VPS54: variants seen among roughly 807,000 people sequenced by gnomAD.
The protein encoded by VPS54 is VPS54 subunit of GARP complex.
In VPS54, 45 loss-of-function variants were observed where a neutral mutation model predicts 121.5. The ratio of observed to expected loss-of-function variants is 0.37; its 90% CI spans 0.29 to 0.47. VPS54 has a LOEUF of 0.47. VPS54 is among the 20% of genes least tolerant of loss of function. The probability of loss-of-function intolerance (pLI) is 0.99; values close to 1 mark genes in which losing one functional copy is unlikely to be tolerated. For missense variants in VPS54, 1,090 were observed against 1,131.4 expected (o/e 0.96, Z 0.52); for synonymous variants, 371 against 385.8 (o/e 0.96, Z 0.45).
intron 1 of VPS54, among the ~76,000 whole-genome samples, chr2:64,015,130 A>G (rs183300121): frequency 2.0e-5 from 3 of 152,312 alleles, no homozygotes; most frequent in African/African-American, 7.2e-5. Flanking sequence ...AGGAAAAAAA[A>G]AAATCACTTC....
chr2:63,962,543 T>C, intron 6 of VPS54, 100 bp from the exon 7 acceptor site: 3 of 1,353,564 alleles, frequency 2.2e-6, no homozygotes, highest in Non-Finnish European at 3.0e-6. Flanking sequence ...ACATATACTT[T>C]AAATTCCATT....
At chr2:63,933,116 A>G (rs543920811) in intron 12 of VPS54, among the ~76,000 whole-genome samples, 1 of 152,176 alleles carries the variant, frequency 6.6e-6, no homozygotes, top group African/African-American at 2.4e-5. Context: ...AATCTGGATG[A>G]AGGTTATATG....
At chr2:63,977,209 TCTA>T (rs753627974) in intron 3 of VPS54, among the ~76,000 whole-genome samples, 7 of 152,374 alleles carry the variant, frequency 4.6e-5, no homozygotes, top group Non-Finnish European at 7.3e-5. Flanking sequence ...GTTGATTTTC[TCTA>T]CTGATTTGCT....
At chr2:63,960,066 G>A (rs1675685301) in intron 7 of VPS54, among the ~76,000 whole-genome samples, 2 of 151,692 alleles carry the variant, frequency 1.3e-5, no homozygotes, top group Non-Finnish European at 2.9e-5. Flanking sequence ...GCATGGTGGT[G>A]TGTGTTTTTA....
intron 4 of VPS54, 80 bp downstream of exon 4, chr2:63,972,086 C>A: frequency 1.2e-6 from 1 of 810,688 alleles, no homozygotes. Context: ...ATATAACAGG[C>A]AATAAGGTCC....
rs1675127944 is a variant in VPS54, at chr2:63,949,218, C to T, written c.1011-55G>A. On this transcript the variant is annotated intron_variant, in intron 7 of 22. Transcript: ENST00000272322. ...ATATTCACTAAAAACTACAAATTCG[C>T]TCCACAATCAAGGGAACTAGTAGGT... The T allele has an allele frequency of 4.5e-6, 7 of 1,547,704 alleles. No homozygotes were observed. In the East Asian group the frequency reaches 1.4e-4, roughly 30 times the overall value.
intron 9 of VPS54, among the ~76,000 whole-genome samples, chr2:63,946,677 A>T (rs1018789591): frequency 6.6e-6 from 1 of 152,102 alleles, no homozygotes; most frequent in Non-Finnish European, 1.5e-5. Flanking sequence ...AGTTCAGTGG[A>T]TAAGATTTAT....
chr2:63,930,437 GA>G (rs1674135377), intron 12 of VPS54, among the ~76,000 whole-genome samples: 1 of 152,102 alleles, frequency 6.6e-6, no homozygotes, highest in Non-Finnish European at 1.5e-5. Flanking sequence ...AATAGATGCA[GA>G]AAAGGCCTTT....
At chr2:63,922,326 T>C (rs1244098030) in intron 12 of VPS54, among the ~76,000 whole-genome samples, 1 of 152,310 alleles carries the variant, frequency 6.6e-6, no homozygotes, top group East Asian at 1.9e-4. Context: ...CATTTTTCTC[T>C]CTTTCAGTTG....
At chr2:63,943,454 T>A (rs971032152) in intron 10 of VPS54, among the ~76,000 whole-genome samples, 2 of 152,210 alleles carry the variant, frequency 1.3e-5, no homozygotes, top group African/African-American at 2.4e-5. Flanking sequence ...CAATGACTTA[T>A]GTTTTCCAAC....
At chr2:63,966,839 A>G (rs1676023864) in intron 5 of VPS54, among the ~76,000 whole-genome samples, 1 of 152,154 alleles carries the variant, frequency 6.6e-6, no homozygotes, top group South Asian at 2.1e-4. Flanking sequence ...TCTTTTTACA[A>G]TGAGTGTATT....
At chr2:64,001,462 T>C (rs941097756) in intron 1 of VPS54, among the ~76,000 whole-genome samples, 2 of 152,136 alleles carry the variant, frequency 1.3e-5, no homozygotes, top group African/African-American at 4.8e-5. Context: ...CCACTACAGC[T>C]GGGAATGTGC....
At position 64,009,182 on chromosome 2, in the gene VPS54, C is replaced by G. The variant is rs1407497279; in HGVS notation, c.-21+9756G>C. ...CTTTGTCTCCTTATCAGATCAATGACTGAATCAATAATTATTTACTCTCAT... is the reference window on the plus strand; with the variant it reads ...CTTTGTCTCCTTATCAGATCAATGAGTGAATCAATAATTATTTACTCTCAT... On this transcript the variant is annotated intron_variant, in intron 1 of 22. Transcript: ENST00000272322. 2.0e-5 allele frequency among the ~76,000 whole-genome samples: 3 copies of G among 152,224 alleles called. No homozygotes were observed. The East Asian group carries it at 5.8e-4, about 29-fold the overall frequency.
intron 3 of VPS54, among the ~76,000 whole-genome samples, chr2:63,979,002 A>G (rs1256121317): frequency 6.6e-6 from 1 of 152,214 alleles, no homozygotes; most frequent in Non-Finnish European, 1.5e-5. Flanking sequence ...TGTTGAATTT[A>G]CTGGCACAAA....
At chr2:63,993,263 C>T (rs766951897) in intron 1 of VPS54, among the ~76,000 whole-genome samples, 17 of 152,272 alleles carry the variant, frequency 1.1e-4, no homozygotes, top group Admixed American at 3.3e-4. Flanking sequence ...TTATTTAACA[C>T]CTACTTTAGG....
intron 12 of VPS54, among the ~76,000 whole-genome samples, chr2:63,925,166 T>C (rs1415720851): frequency 6.6e-6 from 1 of 152,156 alleles, no homozygotes; most frequent in Admixed American, 6.5e-5. Flanking sequence ...GGCAAAAGGT[T>C]TGTGCTGACA....
rs184423286 is a variant in VPS54, at chr2:63,996,227, C to T, written c.-20-12208G>A. 1.1e-3 allele frequency among the ~76,000 whole-genome samples: 172 copies of T among 152,318 alleles called. 1 individual carries two copies. The highest frequency in any genetic ancestry group is 2.9e-3 in the Admixed American group (45 of 15,296). On this transcript the variant is annotated intron_variant, in intron 1 of 22. Transcript: ENST00000272322. ...AGATTTCATGGACAATTTGTTAGTG[C>T]TCCAAATTAATACTTTTATAATTTC...
chr2:63,947,743 G>T lies in VPS54; in HGVS notation c.1138-253C>A, dbSNP rs544169521. Among the ~76,000 whole-genome samples the T allele has an allele frequency of 7.9e-5, 12 of 152,046 alleles. No individual in the cohort carries two copies. In the East Asian group the frequency reaches 9.7e-4, roughly 12 times the overall value. ...TGGTTTTCGGGCAAAACAATACAAGGGTATTTTTTGTTCTAGTTTCAACAA... is the reference window on the plus strand; with the variant it reads ...TGGTTTTCGGGCAAAACAATACAAGTGTATTTTTTGTTCTAGTTTCAACAA... On this transcript the variant is annotated intron_variant, in intron 8 of 22. Transcript: ENST00000272322.
intron 1 of VPS54, among the ~76,000 whole-genome samples, chr2:63,999,410 G>A (rs748086664): frequency 7.9e-5 from 12 of 152,134 alleles, no homozygotes; most frequent in Non-Finnish European, 1.6e-4. Context: ...TTTGAAACAT[G>A]TCATGCCACT....
Sources: allele counts gnomAD v4.1 joint callset (sites outside exome capture counted in the v4.1 genomes callset), GRCh38; gene constraint gnomAD v4.1.1; transcripts MANE v1.5; gene names NCBI Gene and HGNC (gene_info 2026-07-23, HGNC 2026-07-21).